SEMA3D: variants seen among roughly 807,000 people sequenced by gnomAD.
SEMA3D encodes the protein semaphorin-3D.
SEMA3D carries 84 observed loss-of-function variants against 100.1 expected under a neutral mutation model. That is an observed-to-expected ratio of 0.84 (90% CI 0.70 to 1.01). SEMA3D has a LOEUF of 1.01. Among genes scored for constraint, SEMA3D ranks in the 50% least tolerant of loss-of-function variants. The probability of loss-of-function intolerance (pLI) is 0.00; values close to 1 mark genes in which losing one functional copy is unlikely to be tolerated. For missense variants in SEMA3D, 875 were observed against 934.1 expected (o/e 0.94, Z 0.82); for synonymous variants, 312 against 320.7 (o/e 0.97, Z 0.29).
chr7:85,114,873 C>A (rs978124045), intron 3 of SEMA3D, among the ~76,000 whole-genome samples: 1 of 151,892 alleles, frequency 6.6e-6, no homozygotes, highest in Non-Finnish European at 1.5e-5. Flanking sequence ...TTAATACAAG[C>A]TATTATTTTC....
At chr7:85,118,134 C>G (rs1471862899) in intron 3 of SEMA3D, among the ~76,000 whole-genome samples, 1 of 152,002 alleles carries the variant, frequency 6.6e-6, no homozygotes, top group Non-Finnish European at 1.5e-5. Flanking sequence ...TATCTCCAAT[C>G]TTTAATTCAT....
At chr7:85,022,970 C>G (rs17159556) in intron 12 of SEMA3D, among the ~76,000 whole-genome samples, 1 of 151,678 alleles carries the variant, frequency 6.6e-6, no homozygotes, top group Non-Finnish European at 1.5e-5. Context: ...ACGTGGAAAG[C>G]CATTATTTTC....
chr7:85,022,671 C>T (rs2115854550), intron 12 of SEMA3D, 58 bp from the exon 13 acceptor site: 1 of 1,088,040 alleles, frequency 9.2e-7, no homozygotes, highest in Non-Finnish European at 1.4e-6. Context: ...GAAGTTCACA[C>T]TTATTTCCAA....
intron 6 of SEMA3D, among the ~76,000 whole-genome samples, chr7:85,070,227 A>G (rs1791734054): frequency 6.6e-6 from 1 of 152,200 alleles, no homozygotes; most frequent in Non-Finnish European, 1.5e-5. Flanking sequence ...TTCCAGCTCC[A>G]GTTGCCCACT....
the SEMA3D span, among the ~76,000 whole-genome samples, chr7:85,209,156 C>G: frequency 6.6e-6 from 1 of 151,854 alleles, no homozygotes; most frequent in African/African-American, 2.4e-5. Flanking sequence ...AATTTAACTA[C>G]TGATATGATT....
intron 4 of SEMA3D, among the ~76,000 whole-genome samples, chr7:85,088,367 C>T (rs1788285053): frequency 6.6e-6 from 1 of 152,056 alleles, no homozygotes; most frequent in African/African-American, 2.4e-5. Flanking sequence ...GTCAAATGCC[C>T]CTCAGCCTAA....
At position 85,055,753 on chromosome 7, in the gene SEMA3D, A is replaced by G. The variant is rs758462970; in HGVS notation, c.825T>C (p.Asp275=). The change falls in exon 9 of 19, where the codon GAT becomes GAC. Residue 275 remains aspartate, a synonymous_variant. Coordinates refer to ENST00000284136, the MANE Select transcript of SEMA3D (RefSeq NM_001384900.1). ...RESSQEGSTS[D]KTILSRVGRV... The stretch of plus-strand genomic sequence containing the variant: ...TTCCAACTCGAGAAAGGATGGTTTT[A>G]TCGGAGGTACTGCCTTCTTGAGATG... 4.9e-5 allele frequency: 76 copies of G among 1,557,042 alleles called. No homozygotes were observed. The highest frequency in any genetic ancestry group is 6.2e-5 in the Non-Finnish European group (71 of 1,139,764).
the SEMA3D span, among the ~76,000 whole-genome samples, chr7:85,208,980 A>T: frequency 9.9e-5 from 15 of 152,106 alleles, no homozygotes; most frequent in South Asian, 2.1e-4. Context: ...GTAGCTAAGG[A>T]CACTTTTATG....
chr7:85,223,405 T>C, the SEMA3D span, among the ~76,000 whole-genome samples: 7 of 151,992 alleles, frequency 4.6e-5, no homozygotes, highest in Non-Finnish European at 8.8e-5. Flanking sequence ...AATAAGTCAT[T>C]ACATGAAAAA....
At chr7:85,028,155 G>A in intron 12 of SEMA3D, 1 of 634,500 alleles carries the variant, frequency 1.6e-6, no homozygotes, top group Non-Finnish European at 2.9e-6. Flanking sequence ...GTATGAGAGA[G>A]ACAAAAAGCT....
At chr7:85,085,067 A>G (rs1441288517) in intron 4 of SEMA3D, among the ~76,000 whole-genome samples, 1 of 152,068 alleles carries the variant, frequency 6.6e-6, no homozygotes, top group Non-Finnish European at 1.5e-5. Context: ...GGTTGATTCC[A>G]TGTCTTTGCT....
At chr7:85,179,298 C>G (rs909494140) in intron 1 of SEMA3D, among the ~76,000 whole-genome samples, 1 of 152,090 alleles carries the variant, frequency 6.6e-6, no homozygotes, top group Non-Finnish European at 1.5e-5. Context: ...CTGGAAAAGC[C>G]GCAGACACTC....
intron 12 of SEMA3D, chr7:85,028,386 A>C: frequency 3.6e-5 from 5 of 138,702 alleles, no homozygotes; most frequent in South Asian, 1.7e-4. Flanking sequence ...AGTTTAGACA[A>C]AAAAAAAAAA....
In SEMA3D at chr7:85,121,261, G is replaced by C. The variant is rs1453177613; in HGVS notation, c.151+480C>G. Among the ~76,000 whole-genome samples the C allele has an allele frequency of 3.9e-5, 6 of 152,016 alleles. No individual in the cohort carries two copies. In the East Asian group the frequency reaches 9.6e-4, roughly 24 times the overall value. Reference sequence around the variant, plus strand: ...CTAGCTTAGCAGATTTCATTTCTTAGAAAATTGTTTCATCTTTTTTATATT... The same window carrying C: ...CTAGCTTAGCAGATTTCATTTCTTACAAAATTGTTTCATCTTTTTTATATT... On this transcript the variant is annotated intron_variant, in intron 3 of 18. Transcript: ENST00000284136.
At chr7:85,081,433 T>C in intron 5 of SEMA3D, 84 bp downstream of exon 5, 1 of 851,208 alleles carries the variant, frequency 1.2e-6, no homozygotes, top group East Asian at 2.5e-5. Context: ...ACTAATACCA[T>C]TAATTCAGTA....
the SEMA3D span, among the ~76,000 whole-genome samples, chr7:85,238,928 G>C: frequency 6.5e-4 from 99 of 151,920 alleles, 3 homozygotes; most frequent in East Asian, 0.015. Context: ...TTATACCTCA[G>C]TATTTTATTT....
chr7:85,015,141 A>G lies in SEMA3D; in HGVS notation c.1621T>C (p.Cys541Arg), dbSNP rs1181747585. The stretch of plus-strand genomic sequence containing the variant: ...TCTCTGGCAAGACAACAGTCTGCGC[A>G]AGCTTTCCCATAAGTGTCGCATCTG... ...LHRCDTYGKA[C>R]ADCCLARDPY... The change falls in exon 16 of 19, where the codon TGC (cysteine) becomes CGC (arginine). Residue 541 changes from cysteine (C) to arginine (R), a missense_variant. Physicochemically the swap from Cys to Arg is radical, Grantham distance 180. Transcript: ENST00000284136. The G allele has an allele frequency of 3.7e-6, 6 of 1,611,824 alleles. No homozygotes were observed. The highest frequency in any genetic ancestry group is 5.1e-6 in the Non-Finnish European group (6 of 1,178,558).
intron 2 of SEMA3D, among the ~76,000 whole-genome samples, chr7:85,129,453 ATT>A (rs1044091492): frequency 1.3e-5 from 2 of 152,064 alleles, no homozygotes; most frequent in African/African-American, 2.4e-5. Context: ...AAAAATTGAA[ATT>A]TTTTTGTTAT....
At chr7:85,218,865 C>A in the SEMA3D span, among the ~76,000 whole-genome samples, 1 of 152,192 alleles carries the variant, frequency 6.6e-6, no homozygotes. Context: ...TTCCCAGGTT[C>A]CAACTGTCAC....
Sources: gnomAD v4.1 joint callset for allele counts (sites outside exome capture counted in the v4.1 genomes callset) on GRCh38, gnomAD v4.1.1 for gene constraint, MANE v1.5 for transcripts, NCBI Gene and HGNC (gene_info 2026-07-23, HGNC 2026-07-21) for gene names.